The following ADGRV1 variants were observed in gnomAD, a reference collection of about 807,000 sequenced individuals.
ADGRV1 encodes the protein G-protein coupled receptor 98.
A neutral mutation model predicts 596.2 loss-of-function variants in ADGRV1; 359 were observed. The observed-to-expected ratio is 0.60, with a 90% CI of 0.55 to 0.66. ADGRV1 has a LOEUF of 0.66. ADGRV1 is among the 30% of genes least tolerant of loss of function. The pLI is 0.00. For missense variants in ADGRV1, 7,274 were observed against 7,575.6 expected, an observed-to-expected ratio of 0.96 and a Z score of 1.48; for synonymous variants, 2,681 against 2,679.2, an observed-to-expected ratio of 1.00 and a Z score of -0.02.
intron 61 of ADGRV1, among the ~76,000 whole-genome samples, chr5:90,777,150 C>T (rs567898229): frequency 2.6e-5 from 4 of 152,094 alleles, no homozygotes; most frequent in South Asian, 2.1e-4. Flanking sequence ...TGGCAGAAGG[C>T]GAAAGGAGAG....
chr5:91,084,403 C>T (rs1789680137), intron 86 of ADGRV1, among the ~76,000 whole-genome samples: 1 of 152,094 alleles, frequency 6.6e-6, no homozygotes, highest in South Asian at 2.1e-4. Context: ...ACAACCCCAT[C>T]AAAAAGTGGG....
intron 26 of ADGRV1, 76 bp from the exon 27 acceptor site, chr5:90,681,239 T>C (rs1010768080): frequency 1.1e-5 from 17 of 1,526,866 alleles, no homozygotes; most frequent in African/African-American, 1.4e-5. Context: ...AAAAAGTTGT[T>C]CCTTGGCTTT....
intron 41 of ADGRV1, 29 bp from the exon 42 acceptor site, chr5:90,712,258 A>T (rs1360262445): frequency 2.2e-6 from 3 of 1,389,480 alleles, no homozygotes; most frequent in Non-Finnish European, 2.9e-6. Flanking sequence ...TATAAATATA[A>T]TACATTCTGC....
At chr5:90,759,296 A>G in intron 57 of ADGRV1, 113 bp from the exon 58 acceptor site, 1 of 812,576 alleles carries the variant, frequency 1.2e-6, no homozygotes. Flanking sequence ...TTTCAACTAA[A>G]AAATTAAAAT....
intron 84 of ADGRV1, among the ~76,000 whole-genome samples, chr5:90,978,124 G>A (rs574070759): frequency 1.3e-5 from 2 of 151,774 alleles, no homozygotes; most frequent in Non-Finnish European, 2.9e-5. Flanking sequence ...GTGAAACCCC[G>A]TCTCTACTAA....
intron 75 of ADGRV1, among the ~76,000 whole-genome samples, chr5:90,816,288 A>G (rs1762883780): frequency 6.6e-6 from 1 of 152,028 alleles, no homozygotes; most frequent in Non-Finnish European, 1.5e-5. Flanking sequence ...AGGAACATTT[A>G]CTTGCCTTTA....
intron 87 of ADGRV1, among the ~76,000 whole-genome samples, chr5:91,144,872 G>A (rs1261540380): frequency 6.6e-6 from 1 of 152,242 alleles, no homozygotes; most frequent in African/African-American, 2.4e-5. Context: ...CGTAGTGGGT[G>A]ATCAGCAATA....
intron 83 of ADGRV1, among the ~76,000 whole-genome samples, chr5:90,895,572 G>A (rs969778109): frequency 6.6e-6 from 1 of 152,142 alleles, no homozygotes; most frequent in Non-Finnish European, 1.5e-5. Context: ...GGTGGGTAGG[G>A]TCTTCACATA....
rs1473730983 is a variant in ADGRV1 at position 91,035,850 on chromosome 5, ATATATATATAT to A, written c.18153-36585_18153-36575del. ...GTAAGTAATAAATGAGTGTGTATAT[ATATATATATAT>A]TATATATATATATATATATATCTTA... On this transcript the variant is annotated intron_variant, in intron 85 of 89. Transcript: ENST00000405460. Among the ~76,000 whole-genome samples, 36 of 87,644 alleles carry A rather than the reference ATATATATATAT, an allele frequency of 4.1e-4. 2 individuals carry two copies. Among genetic ancestry groups the A allele is most frequent in the African/African-American group, 1.4e-3 (35 of 25,202 alleles). The allele number at this position is 87,644 out of a possible 152,430, so 57.5% of individuals were successfully genotyped here.
chr5:90,576,939 T>G (rs1757305877), intron 1 of ADGRV1, among the ~76,000 whole-genome samples: 1 of 152,196 alleles, frequency 6.6e-6, no homozygotes, highest in Non-Finnish European at 1.5e-5. Flanking sequence ...GTTCATATCC[T>G]TTTGACCACT....
rs1427093656 is a variant in ADGRV1 at position 90,848,714 on chromosome 5, T to C, written c.17097T>C (p.Ile5699=). ...TLFYEILCSL[I]NPKRKDTRGF... The stretch of plus-strand genomic sequence containing the variant: ...TCTATGAGATTCTTTGTTCTCTTAT[T>C]AACCCAAAGCGCAAGGACACTAGGG... Residue 5699 remains isoleucine (I), a synonymous_variant, in exon 79 of 90, where the codon ATT becomes ATC. Transcript: ENST00000405460. 2 of 1,588,532 alleles carry C rather than the reference T, an allele frequency of 1.3e-6. No individual in the cohort carries two copies. Among genetic ancestry groups the C allele is most frequent in the African/African-American group, 2.7e-5 (2 of 73,618 alleles).
At chr5:90,914,047 A>G (rs1773131129) in intron 83 of ADGRV1, among the ~76,000 whole-genome samples, 1 of 152,194 alleles carries the variant, frequency 6.6e-6, no homozygotes, top group South Asian at 2.1e-4. Flanking sequence ...GGGCTTTAGT[A>G]ATGGATCCAG....
intron 83 of ADGRV1, among the ~76,000 whole-genome samples, chr5:90,894,669 A>T (rs1471616991): frequency 6.6e-6 from 1 of 152,226 alleles, no homozygotes; most frequent in Non-Finnish European, 1.5e-5. Context: ...CCTGAGTTTG[A>T]CAGACACAGA....
At chr5:90,670,371 T>C (rs767461018) in intron 21 of ADGRV1, among the ~76,000 whole-genome samples, 1 of 152,200 alleles carries the variant, frequency 6.6e-6, no homozygotes, top group Non-Finnish European at 1.5e-5. Flanking sequence ...CTTTTGTGGA[T>C]GGAGAAATGG....
intron 85 of ADGRV1, among the ~76,000 whole-genome samples, chr5:91,038,740 G>C (rs1785103935): frequency 6.6e-6 from 1 of 152,142 alleles, no homozygotes; most frequent in East Asian, 1.9e-4. Context: ...ATTCTCTCCA[G>C]AGCCCTAAGA....
At chr5:90,669,000 TTAAC>T (rs1264913487) in intron 21 of ADGRV1, among the ~76,000 whole-genome samples, 74 of 152,324 alleles carry the variant, frequency 4.9e-4, no homozygotes, top group East Asian at 2.1e-3. Flanking sequence ...TTGGATCTAT[TTAAC>T]TAATGCCTCT....
At chr5:90,586,335 A>G (rs1758756528) in intron 1 of ADGRV1, among the ~76,000 whole-genome samples, 1 of 152,212 alleles carries the variant, frequency 6.6e-6, no homozygotes, top group African/African-American at 2.4e-5. Flanking sequence ...AGTATTGTTC[A>G]GTAATAAGTC....
At chr5:90,739,510 G>A (rs1278831242) in intron 50 of ADGRV1, among the ~76,000 whole-genome samples, 3 of 152,162 alleles carry the variant, frequency 2.0e-5, no homozygotes. Context: ...CAGACAAGTA[G>A]ACTTTGTTAT....
chr5:90,763,395 C>T lies in ADGRV1; in HGVS notation c.12211C>T (p.Arg4071Ter), dbSNP rs1163308590. 9 of 1,613,200 alleles carry T rather than the reference C, an allele frequency of 5.6e-6. No individual in the cohort carries two copies. The highest frequency in any genetic ancestry group is 1.7e-5 in the Admixed American group (1 of 59,994). Residue 4071 changes from arginine (R) to a stop codon, truncating the protein, a stop_gained, in exon 59 of 90, where the codon CGA becomes TGA. Transcript: ENST00000405460. LOFTEE classifies it high-confidence loss of function. ...VRSPGGKGTV[R>*]LEWTIDEKAK... Reference sequence around the variant, plus strand: ...GTCCCCAGGAGGAAAAGGAACCGTCCGACTTGAGTGGACCATAGATGAGAA... The same window carrying T: ...GTCCCCAGGAGGAAAAGGAACCGTCTGACTTGAGTGGACCATAGATGAGAA...
Sources: allele counts gnomAD v4.1 joint callset (sites outside exome capture counted in the v4.1 genomes callset), GRCh38; gene constraint gnomAD v4.1.1; transcripts MANE v1.5; gene names NCBI Gene and HGNC (gene_info 2026-07-23, HGNC 2026-07-21).